Variants in CLK3 observed in about 807,000 individuals in gnomAD.
CLK3 encodes the protein dual specificity protein kinase CLK3.
A neutral mutation model predicts 65.2 loss-of-function variants in CLK3; 24 were observed. The ratio of observed to expected loss-of-function variants is 0.37; its 90% CI spans 0.27 to 0.52. The LOEUF (loss-of-function observed/expected upper bound fraction) is 0.52. Among genes scored for constraint, CLK3 ranks in the 20% least tolerant of loss-of-function variants. The probability of loss-of-function intolerance (pLI) is 0.92; values close to 1 mark genes in which losing one functional copy is unlikely to be tolerated. For synonymous variants in CLK3, 252 were observed against 240.8 expected (o/e 1.05, Z -0.43); for missense variants, 506 against 660.0 (o/e 0.77, Z 2.56).
At chr15:74,615,965 A>G (rs1028902912) in intron 1 of CLK3, 67 bp downstream of exon 1, 1 of 1,149,612 alleles carries the variant, frequency 8.7e-7, no homozygotes, top group Non-Finnish European at 1.1e-6. Context: ...TCGGCGGGGC[A>G]GGCGCGCTGG....
Position 74,629,850 on chromosome 15 carries a change from G to A in CLK3, c.1440G>A (p.Arg480=). 2 of 1,608,970 alleles carry A rather than the reference G, an allele frequency of 1.2e-6. No homozygotes were observed. The highest frequency in any genetic ancestry group is 1.7e-6 in the Non-Finnish European group (2 of 1,178,190). ...PFFAGLTPEE[R]SFHTSRNPSR Reference sequence around the variant, plus strand: ...TTGCTGGCCTGACCCCTGAGGAGCGGTCCTTCCACACCAGCCGCAACCCAA... The same window carrying A: ...TTGCTGGCCTGACCCCTGAGGAGCGATCCTTCCACACCAGCCGCAACCCAA... The change falls in exon 13 of 13, where the codon CGG becomes CGA. Residue 480 remains arginine, a synonymous_variant. Coordinates refer to ENST00000395066, the MANE Select transcript of CLK3 (RefSeq NM_001130028.2).
At position 74,621,796 on chromosome 15, in the gene CLK3, C is replaced by T. The variant is rs567121684; in HGVS notation, c.370-324C>T. 3 of 379,588 alleles carry T rather than the reference C, an allele frequency of 7.9e-6. No homozygotes were observed. In the East Asian group the frequency reaches 2.1e-4, roughly 26 times the overall value. 23.5% of individuals were successfully genotyped at this position (379,588 alleles called of 1,614,324 possible). Reference sequence around the variant, plus strand: ...GCGATGGCTCTCCTCACAGCGTGGCCCTCAGCAGCAGAGGCAGGTCATCTT... The same window carrying T: ...GCGATGGCTCTCCTCACAGCGTGGCTCTCAGCAGCAGAGGCAGGTCATCTT... On this transcript the variant is annotated intron_variant, in intron 3 of 12. Transcript: ENST00000395066. The surrounding 1 kb of genome is among the most constrained non-coding windows in gnomAD (Gnocchi z 4.8).
At chr15:74,615,214 A>G (rs1450291848), upstream of CLK3, 3 of 396,952 alleles carry the variant, frequency 7.6e-6, no homozygotes, top group African/African-American at 4.1e-5. Context: ...GGGCTCAAGG[A>G]GAGGGGATCT....
upstream of CLK3, among the ~76,000 whole-genome samples, chr15:74,611,905 A>C (rs2141527535): frequency 6.6e-6 from 1 of 152,320 alleles, no homozygotes; most frequent in Admixed American, 6.5e-5. Flanking sequence ...CTGAGCACGC[A>C]CTAAAACCCT....
At chr15:74,619,092 CAG>C (rs1220725049) in intron 1 of CLK3, 103 bp from the exon 2 acceptor site, 1 of 1,412,310 alleles carries the variant, frequency 7.1e-7, no homozygotes. Context: ...CGCCTTCAAA[CAG>C]AACAATGGGC....
chr15:74,613,897 G>C (rs561613939), upstream of CLK3, among the ~76,000 whole-genome samples: 14 of 152,238 alleles, frequency 9.2e-5, no homozygotes, highest in South Asian at 2.9e-3. Context: ...TGGGTACCAG[G>C]CAGGAATGGC....
At chr15:74,616,324 G>A (rs1444190148) in intron 1 of CLK3, among the ~76,000 whole-genome samples, 2 of 152,196 alleles carry the variant, frequency 1.3e-5, no homozygotes, top group African/African-American at 4.8e-5. Flanking sequence ...CTCTGTCCCC[G>A]GGTCTCCCCT....
rs1319264792 is a variant in CLK3, at chr15:74,624,517, G to A, written c.534-385G>A. On this transcript the variant is annotated intron_variant, in intron 5 of 12. Transcript: ENST00000395066. The surrounding 1 kb of genome is among the most constrained non-coding windows in gnomAD (Gnocchi z 4.2). ...GGAAGGTCAAGAGGCGCCGCAGGAG[G>A]GTTCTCGGTGGGACAGCCTGGCCAG... 2 of 216,144 alleles carry A rather than the reference G, an allele frequency of 9.3e-6. No homozygotes were observed. The highest frequency in any genetic ancestry group is 1.9e-5 in the Non-Finnish European group (2 of 106,732). The allele number at this position is 216,144 out of a possible 1,614,324, so 13.4% of individuals were successfully genotyped here. A position where few individuals can be genotyped will look rare whatever the true frequency, so the allele number is the denominator to read the frequency against.
chr15:74,628,958 T>G lies in CLK3; in HGVS notation c.1222T>G (p.Tyr408Asp). 8 of 1,613,418 alleles carry G rather than the reference T, an allele frequency of 5.0e-6. No individual in the cohort carries two copies. Among genetic ancestry groups the G allele is most frequent in the Non-Finnish European group, 5.9e-6 (7 of 1,179,380 alleles). The change falls in exon 12 of 13, where the codon TAC becomes GAC. Residue 408 changes from tyrosine to aspartate, a missense_variant. Tyr to Asp is a radical substitution (Grantham distance 160). Transcript: ENST00000395066. ...IHRTRKQKYF[Y>D]KGGLVWDENS... ...AATTTTCAGGAAGCAGAAATATTTC[T>G]ACAAAGGGGGCCTAGTTTGGGATGA...
Position 74,627,825 on chromosome 15 carries a change from G to A in CLK3, c.1043-145G>A. ...TCATGAGACACAGGTGACTGACCTG[G>A]CTTTATCTGTCAGCCTTACTGAGAG... On this transcript the variant is annotated intron_variant, in intron 9 of 12. Coordinates refer to ENST00000395066, the MANE Select transcript of CLK3 (RefSeq NM_001130028.2). The surrounding 1 kb of genome is among the most constrained non-coding windows in gnomAD (Gnocchi z 4.3). The A allele has an allele frequency of 8.1e-7, 1 of 1,242,014 alleles. No homozygotes were observed. Among genetic ancestry groups the A allele is most frequent in the South Asian group, 1.3e-5 (1 of 75,894 alleles). The allele number at this position is 1,242,014 out of a possible 1,614,324, so 76.9% of individuals were successfully genotyped here.
Position 74,627,780 on chromosome 15 carries a change from C to G in CLK3, c.1042+112C>G. 1 of 1,498,402 alleles carries G rather than the reference C, an allele frequency of 6.7e-7. No homozygotes were observed. Among genetic ancestry groups the G allele is most frequent in the Middle Eastern group, 1.9e-4 (1 of 5,214 alleles). 92.8% of individuals were successfully genotyped at this position (1,498,402 alleles called of 1,614,324 possible). A position where few individuals can be genotyped will look rare whatever the true frequency, so the allele number is the denominator to read the frequency against. ...CTGCCACCCAGGGCAGGCAGAGTTT[C>G]TCAGACCAAGGGGCCAGTGTCATGA... On this transcript the variant is annotated intron_variant, in intron 9 of 12. Coordinates refer to ENST00000395066, the MANE Select transcript of CLK3 (RefSeq NM_001130028.2). This position sits in a 1 kb window ranked among gnomAD's most constrained non-coding sequence, Gnocchi z 4.3.
At chr15:74,618,352 G>A (rs1289834290) in intron 1 of CLK3, among the ~76,000 whole-genome samples, 2 of 152,182 alleles carry the variant, frequency 1.3e-5, no homozygotes, top group African/African-American at 2.4e-5. Context: ...GTGAGGTGGG[G>A]CTCTTTTACC....
At chr15:74,620,305 G>C (rs1567142864) in intron 3 of CLK3, 80 bp downstream of exon 3, 2 of 1,576,690 alleles carry the variant, frequency 1.3e-6, no homozygotes, top group South Asian at 2.3e-5. Flanking sequence ...GGCTGGTCCG[G>C]GTGAGTACTG....
chr15:74,612,036 G>A (rs1353728777), upstream of CLK3, among the ~76,000 whole-genome samples: 1 of 152,232 alleles, frequency 6.6e-6, no homozygotes, highest in Non-Finnish European at 1.5e-5. Flanking sequence ...GGTGCTGCCA[G>A]GGGTGGCCAC....
Position 74,619,298 on chromosome 15 carries a change from G to A in CLK3, c.102G>A (p.Leu34=), listed in dbSNP as rs771058908. 2.5e-6 allele frequency: 4 copies of A among 1,614,192 alleles called. No individual in the cohort carries two copies. Among genetic ancestry groups the A allele is most frequent in the Non-Finnish European group, 3.4e-6 (4 of 1,180,024 alleles). ...RSYSREHEGR[L]RYPSRREPPP... is the part of the protein sequence containing the mutation. Reference sequence around the variant, plus strand: ...ACAGTCGGGAACATGAAGGGAGACTGCGATACCCGTCCCGAAGGGAGCCTC... The same window carrying A: ...ACAGTCGGGAACATGAAGGGAGACTACGATACCCGTCCCGAAGGGAGCCTC... The change falls in exon 2 of 13, where the codon CTG becomes CTA. Residue 34 remains leucine (L), a synonymous_variant. Transcript: ENST00000395066.
Position 74,619,279 on chromosome 15 carries a change from G to T in CLK3, c.83G>T (p.Arg28Leu), listed in dbSNP as rs573399106. 1 of 1,614,132 alleles carries T rather than the reference G, an allele frequency of 6.2e-7. No homozygotes were observed. The highest frequency in any genetic ancestry group is 8.5e-7 in the Non-Finnish European group (1 of 1,180,016). Reference protein sequence around the residue: ...YRWKRRRSYSREHEGRLRYPS... With the variant: ...YRWKRRRSYSLEHEGRLRYPS... The stretch of plus-strand genomic sequence containing the variant: ...TGGAAGAGGAGGAGGTCCTACAGTC[G>T]GGAACATGAAGGGAGACTGCGATAC... Residue 28 changes from arginine (R) to leucine (L), a missense_variant, in exon 2 of 13, where the codon CGG becomes CTG. By Grantham distance (102) the Arg-to-Leu change is moderately radical. This residue lies in a region of CLK3 where 181 missense variants were observed against 159.4 expected (regional missense o/e 1.14). Transcript: ENST00000395066.
chr15:74,617,044 C>T lies in CLK3; in HGVS notation c.-1+1146C>T, dbSNP rs115523208. On this transcript the variant is annotated intron_variant, in intron 1 of 12. Transcript: ENST00000395066. ...AGAGCCCTGGCTGGGAGGATGATAT[C>T]TGCTATTTCCAATATTTTACTTGCC... is the stretch of plus-strand genomic sequence containing the variant. 9.9e-3 allele frequency among the ~76,000 whole-genome samples: 1,505 copies of T among 152,322 alleles called. 16 individuals carry two copies. The highest frequency in any genetic ancestry group is 0.034 in the African/African-American group (1,429 of 41,568).
intron 1 of CLK3, 94 bp from the exon 2 acceptor site, chr15:74,619,103 G>A: frequency 1.3e-6 from 2 of 1,486,722 alleles, no homozygotes; most frequent in Non-Finnish European, 1.8e-6. Context: ...AGAACAATGG[G>A]CCTCTTCAGG....
Position 74,619,341 on chromosome 15 carries a change from T to G in CLK3, c.145T>G (p.Ser49Ala). ...RREPPPRRSR[S>A]RSHDRLPYQR... ...GGAGCCTCCCCCACGAAGATCTCGG[T>G]CCAGAAGGTGAGAGGGAACTAGATA... The change falls in exon 2 of 13, where the codon TCC becomes GCC. Residue 49 changes from serine (S) to alanine (A), a missense_variant. Around this residue, in one of 2 missense-constraint regions of CLK3, gnomAD observed 181 missense variants for 159.4 expected, o/e 1.14. Transcript: ENST00000395066. 6.2e-7 allele frequency: 1 copy of G among 1,613,990 alleles called. No homozygotes were observed. Among genetic ancestry groups the G allele is most frequent in the Non-Finnish European group, 8.5e-7 (1 of 1,179,942 alleles).
Sources: allele counts gnomAD v4.1 joint callset (sites outside exome capture counted in the v4.1 genomes callset), GRCh38; gene constraint gnomAD v4.1.1; regional missense constraint gnomAD v4.1.1; non-coding constraint Gnocchi (gnomAD v3.1); transcripts MANE v1.5; gene names NCBI Gene and HGNC (gene_info 2026-07-23, HGNC 2026-07-21).